BBS9: variants seen among roughly 807,000 people sequenced by gnomAD.
The protein encoded by BBS9 is Bardet-Biedl syndrome 9, also known as protein PTHB1.
A neutral mutation model predicts 117.7 loss-of-function variants in BBS9; 89 were observed. The observed-to-expected ratio is 0.76, with a 90% confidence interval of 0.64 to 0.90. The LOEUF (loss-of-function observed/expected upper bound fraction) is 0.90. Ranked by LOEUF, BBS9 falls within the 40% of genes least tolerant of loss-of-function variation. BBS9 has a pLI of 0.00. For missense variants in BBS9, 982 were observed against 1,042.2 expected, an observed-to-expected ratio of 0.94 and a Z score of 0.80; for synonymous variants, 379 against 370.9, an observed-to-expected ratio of 1.02 and a Z score of -0.25.
chr7:33,322,987 T>C (rs893002085), intron 9 of BBS9, among the ~76,000 whole-genome samples: 7 of 152,204 alleles, frequency 4.6e-5, no homozygotes, highest in African/African-American at 1.7e-4. Context: ...ACTTCTTCAT[T>C]GATCCACTGT....
At chr7:33,194,777 C>T (rs148062788) in intron 5 of BBS9, among the ~76,000 whole-genome samples, 1 of 152,146 alleles carries the variant, frequency 6.6e-6, no homozygotes. Context: ...CTCTTCCATG[C>T]AGAATTTTGA....
At chr7:33,620,395 T>C (rs1463619883) in intron 21 of BBS9, among the ~76,000 whole-genome samples, 1 of 151,876 alleles carries the variant, frequency 6.6e-6, no homozygotes. Context: ...TTAAAAGCAA[T>C]AAATTGAGTA....
intron 19 of BBS9, among the ~76,000 whole-genome samples, chr7:33,438,354 T>A (rs1427318165): frequency 6.6e-6 from 1 of 152,184 alleles, no homozygotes; most frequent in Non-Finnish European, 1.5e-5. Context: ...AATTGAAATA[T>A]AACTTTTGTA....
intron 21 of BBS9, among the ~76,000 whole-genome samples, chr7:33,602,670 G>A (rs1339301505): frequency 1.3e-5 from 2 of 152,028 alleles, no homozygotes; most frequent in Non-Finnish European, 2.9e-5. Context: ...CGGAGGTTGC[G>A]GTGAGCCGAG....
At position 33,599,000 on chromosome 7, in the gene BBS9, G is replaced by T. The variant is rs78843315; in HGVS notation, c.2522-5865G>T. ...TCACATTTATGTATTGACTATGGCTGCTTTTGCACTATGACAGCAAAATGG... is the reference window on the plus strand; with the variant it reads ...TCACATTTATGTATTGACTATGGCTTCTTTTGCACTATGACAGCAAAATGG... On this transcript the variant is annotated intron_variant, in intron 21 of 22. Transcript: ENST00000242067. Among the ~76,000 whole-genome samples, 53 of 152,270 alleles carry T rather than the reference G, an allele frequency of 3.5e-4. No homozygotes were observed. In the East Asian group the frequency reaches 9.6e-3, roughly 28 times the overall value.
At chr7:33,556,891 A>G (rs1585244230) in intron 21 of BBS9, among the ~76,000 whole-genome samples, 1 of 152,212 alleles carries the variant, frequency 6.6e-6, no homozygotes, top group Non-Finnish European at 1.5e-5. Flanking sequence ...TAAGAAGTAC[A>G]AGCCTGTCTA....
intron 5 of BBS9, among the ~76,000 whole-genome samples, chr7:33,185,880 A>G (rs886493275): frequency 6.6e-6 from 1 of 152,208 alleles, no homozygotes; most frequent in Non-Finnish European, 1.5e-5. Context: ...GTGTGCGTCA[A>G]AATGAACTAA....
At chr7:33,344,078 GTTTTTTT>G (rs34530007) in intron 11 of BBS9, among the ~76,000 whole-genome samples, 1 of 67,466 alleles carries the variant, frequency 1.5e-5, no homozygotes, top group Non-Finnish European at 2.5e-5. Flanking sequence ...TAGGGGATGA[GTTTTTTT>G]TTTTTTTTTT....
chr7:33,420,366 A>G (rs1349725041), intron 19 of BBS9, among the ~76,000 whole-genome samples: 1 of 152,130 alleles, frequency 6.6e-6, no homozygotes, highest in African/African-American at 2.4e-5. Context: ...TGTCTTCTCT[A>G]CAACACAGTG....
intron 19 of BBS9, among the ~76,000 whole-genome samples, chr7:33,500,852 C>T (rs1038717890): frequency 3.9e-5 from 6 of 152,146 alleles, no homozygotes; most frequent in South Asian, 2.1e-4. Flanking sequence ...ATGAGTTGAG[C>T]GTTTTCCTGC....
chr7:33,503,318 G>A (rs187902963), intron 19 of BBS9, among the ~76,000 whole-genome samples: 37 of 152,308 alleles, frequency 2.4e-4, no homozygotes, highest in Non-Finnish European at 4.9e-4. Context: ...CTGAGCCGCA[G>A]AGTTCTCATC....
intron 17 of BBS9, among the ~76,000 whole-genome samples, chr7:33,368,950 G>C (rs1287610496): frequency 1.3e-5 from 2 of 152,054 alleles, no homozygotes; most frequent in Non-Finnish European, 2.9e-5. Flanking sequence ...AGAAGAAAGA[G>C]GAGATTCTTT....
At chr7:33,186,548 T>G (rs1391328246) in intron 5 of BBS9, among the ~76,000 whole-genome samples, 1 of 152,210 alleles carries the variant, frequency 6.6e-6, no homozygotes, top group Non-Finnish European at 1.5e-5. Flanking sequence ...TCTTCATAGA[T>G]TATGGGAAAT....
At chr7:33,483,011 T>C (rs989991865) in intron 19 of BBS9, among the ~76,000 whole-genome samples, 1 of 152,168 alleles carries the variant, frequency 6.6e-6, no homozygotes, top group Admixed American at 6.5e-5. Flanking sequence ...AGATTCTGGA[T>C]AGAAATTTTT....
intron 21 of BBS9, among the ~76,000 whole-genome samples, chr7:33,548,299 ACT>A (rs1277447499): frequency 6.6e-6 from 1 of 152,100 alleles, no homozygotes; most frequent in East Asian, 1.9e-4. Flanking sequence ...CATGTAGATA[ACT>A]CTGTAAAATG....
chr7:33,405,864 A>G (rs1829865852), intron 19 of BBS9, among the ~76,000 whole-genome samples: 1 of 151,750 alleles, frequency 6.6e-6, no homozygotes, highest in Non-Finnish European at 1.5e-5. Context: ...CTCTGATTTT[A>G]GTTATTTCTT....
chr7:33,343,307 C>A (rs905725935), intron 11 of BBS9, among the ~76,000 whole-genome samples: 10 of 152,074 alleles, frequency 6.6e-5, no homozygotes, highest in African/African-American at 1.7e-4. Flanking sequence ...TTTCCCCTAC[C>A]AATGTATCAC....
intron 5 of BBS9, among the ~76,000 whole-genome samples, chr7:33,180,042 G>T (rs1327569787): frequency 6.6e-6 from 1 of 151,862 alleles, no homozygotes; most frequent in Non-Finnish European, 1.5e-5. Context: ...ACTTATCCTG[G>T]TTGCCTGCTT....
At chr7:33,517,809 A>G (rs1259494238) in intron 20 of BBS9, among the ~76,000 whole-genome samples, 2 of 152,216 alleles carry the variant, frequency 1.3e-5, no homozygotes, top group African/African-American at 4.8e-5. Context: ...GTAACTTTGG[A>G]TAATAGGAGT....
Sources: allele counts gnomAD v4.1 joint callset (sites outside exome capture counted in the v4.1 genomes callset), GRCh38; gene constraint gnomAD v4.1.1; transcripts MANE v1.5; gene names NCBI Gene and HGNC (gene_info 2026-07-23, HGNC 2026-07-21).